Variants in CNTNAP3 observed in about 807,000 individuals in gnomAD.
CNTNAP3 encodes the protein contactin associated protein family member 3, also known as contactin-associated protein-like 3.
A neutral mutation model predicts 92.1 loss-of-function variants in CNTNAP3; 36 were observed. The observed-to-expected ratio is 0.39, with a 90% CI of 0.30 to 0.52. The LOEUF (loss-of-function observed/expected upper bound fraction) is 0.52, where lower values mean the gene tolerates loss of function less well. Among genes scored for constraint, CNTNAP3 ranks in the 20% least tolerant of loss-of-function variants. The pLI, the probability that CNTNAP3 is intolerant of heterozygous loss-of-function variation, is 0.76. For missense variants in CNTNAP3, 534 were observed against 1,069.6 expected, an observed-to-expected ratio of 0.50 and a Z score of 6.98; for synonymous variants, 232 against 422.3, an observed-to-expected ratio of 0.55 and a Z score of 5.53.
At chr9:39,074,704 T>C (rs544147452) in intron 23 of CNTNAP3, among the ~76,000 whole-genome samples, 1 of 152,360 alleles carries the variant, frequency 6.6e-6, no homozygotes, top group East Asian at 1.9e-4. Context: ...CATTACATGT[T>C]ATTGTTAGTA....
At chr9:39,129,668 A>C (rs1213170913) in intron 13 of CNTNAP3, among the ~76,000 whole-genome samples, 1 of 152,202 alleles carries the variant, frequency 6.6e-6, no homozygotes, top group Non-Finnish European at 1.5e-5. Context: ...GCTCTAAAAA[A>C]TTCCAGTTAA....
intron 14 of CNTNAP3, among the ~76,000 whole-genome samples, chr9:39,116,779 G>C (rs1233015517): frequency 6.6e-6 from 1 of 152,014 alleles, no homozygotes; most frequent in Non-Finnish European, 1.5e-5. Context: ...TCTATAGAAA[G>C]CTCCAGTAGA....
chr9:39,082,043 C>T (rs755426896), intron 21 of CNTNAP3, among the ~76,000 whole-genome samples: 477 of 149,070 alleles, frequency 3.2e-3, no homozygotes, highest in Middle Eastern at 0.014. Context: ...GCCGAGTTCA[C>T]GCCACTGTAC....
At chr9:39,083,586 G>A (rs1418477579) in intron 21 of CNTNAP3, among the ~76,000 whole-genome samples, 1 of 150,698 alleles carries the variant, frequency 6.6e-6, no homozygotes, top group African/African-American at 2.4e-5. Flanking sequence ...GTGAACCTGG[G>A]AGGCGGAGGT....
At chr9:39,136,393 ATC>A (rs919539574) in intron 12 of CNTNAP3, among the ~76,000 whole-genome samples, 1 of 152,066 alleles carries the variant, frequency 6.6e-6, no homozygotes, top group Non-Finnish European at 1.5e-5. Context: ...TATTAAGGTT[ATC>A]TCTTTTAGAG....
intron 10 of CNTNAP3, 54 bp from the exon 11 acceptor site, chr9:39,144,400 A>T (rs1821649794): frequency 1.3e-5 from 20 of 1,509,078 alleles, no homozygotes; most frequent in Non-Finnish European, 1.8e-5. Context: ...TCAAAAAATA[A>T]GTGTCTTACC....
rs1821223595 is a variant in CNTNAP3, at chr9:39,129,392, T to C, written c.2080+3540A>G. The stretch of plus-strand genomic sequence containing the variant: ...ATTCAATGCAGGAAGGATAGCCTTT[T>C]CAACAAATGGTTCTGGAGCAACTGA... On this transcript the variant is annotated intron_variant, in intron 13 of 23. Transcript: ENST00000297668. Among the ~76,000 whole-genome samples the C allele has an allele frequency of 2.0e-5, 3 of 152,148 alleles. No individual in the cohort carries two copies. In the South Asian group the frequency reaches 6.2e-4, roughly 32 times the overall value.
At chr9:39,105,175 C>A (rs1303597592) in intron 15 of CNTNAP3, among the ~76,000 whole-genome samples, 4 of 152,146 alleles carry the variant, frequency 2.6e-5, no homozygotes, top group Non-Finnish European at 5.9e-5. Flanking sequence ...CGCCTGTAAC[C>A]CCAGCACTTT....
chr9:39,077,669 TA>T, intron 23 of CNTNAP3, among the ~76,000 whole-genome samples: 1 of 152,200 alleles, frequency 6.6e-6, no homozygotes, highest in East Asian at 1.9e-4. Flanking sequence ...AAAAGTACCA[TA>T]AAGTGTATGC....
rs1415418901 is a variant in CNTNAP3 at position 39,132,947 on chromosome 9, G to C, written c.2065C>G (p.Arg689Gly). 6.5e-7 allele frequency: 1 copy of C among 1,545,782 alleles called. No individual in the cohort carries two copies. Among genetic ancestry groups the C allele is most frequent in the Admixed American group, 1.9e-5 (1 of 51,776 alleles). The change falls in exon 13 of 24, where the codon CGC (arginine) becomes GGC (glycine). Residue 689 changes from arginine (R) to glycine (G), a missense_variant. Coordinates refer to ENST00000297668, the MANE Select transcript of CNTNAP3 (RefSeq NM_033655.5). Reference protein sequence around the residue: ...RLALRCGTARRPDSRDGTPLS... With the variant: ...RLALRCGTARGPDSRDGTPLS... ...TGGCGCTTACCTCGTGAGTCCGGGC[G>C]CCGCGCCGTCCCGCAGCGCAGAGCC...
chr9:39,094,775 G>A (rs907609568), intron 18 of CNTNAP3, among the ~76,000 whole-genome samples: 1 of 151,494 alleles, frequency 6.6e-6, no homozygotes, highest in Admixed American at 6.6e-5. Flanking sequence ...AGTCAAGAAG[G>A]GTGAATCCTC....
intron 14 of CNTNAP3, among the ~76,000 whole-genome samples, chr9:39,116,835 A>G (rs1027166231): frequency 1.3e-5 from 2 of 152,166 alleles, no homozygotes; most frequent in Non-Finnish European, 2.9e-5. Flanking sequence ...AAAGTGATGC[A>G]AAGTAGACTT....
rs1259026954 is a variant in CNTNAP3, at chr9:39,067,051, CT to C, written c.*6838del. Among the ~76,000 whole-genome samples the C allele has an allele frequency of 1.3e-5, 2 of 152,058 alleles. No homozygotes were observed. Among genetic ancestry groups the C allele is most frequent in the African/African-American group, 4.8e-5 (2 of 41,430 alleles). On this transcript the variant is annotated 3_prime_UTR_variant, in exon 24 of 24. Transcript: ENST00000297668. ...ACTCTGATTATTCTTTGTTTTTTTT[CT>C]GTCTCTGTTTCATTTTGGATGCTTT...
At chr9:39,089,850 A>G (rs1045918209) in intron 18 of CNTNAP3, among the ~76,000 whole-genome samples, 1 of 152,194 alleles carries the variant, frequency 6.6e-6, no homozygotes, top group African/African-American at 2.4e-5. Flanking sequence ...ACATTCACAC[A>G]TATTTGCTGA....
At chr9:39,130,301 G>C (rs949994901) in intron 13 of CNTNAP3, among the ~76,000 whole-genome samples, 4 of 151,708 alleles carry the variant, frequency 2.6e-5, no homozygotes, top group Non-Finnish European at 4.4e-5. Flanking sequence ...TTGCTAATCA[G>C]CAATGAAAAG....
In CNTNAP3 at chr9:39,143,007, C is replaced by T. The variant is rs564736008; in HGVS notation, c.1756+1233G>A. ...GTTTCCTTGAAGACCCAGGGATGGG[C>T]GAAATATTCCTGAGGAGAAGTTGCT... is the stretch of plus-strand genomic sequence containing the variant. On this transcript the variant is annotated intron_variant, in intron 11 of 23. Coordinates refer to ENST00000297668, the MANE Select transcript of CNTNAP3 (RefSeq NM_033655.5). Among the ~76,000 whole-genome samples the T allele has an allele frequency of 1.6e-3, 250 of 151,578 alleles. 1 individual carries two copies. Among genetic ancestry groups the T allele is most frequent in the Non-Finnish European group, 2.1e-3 (142 of 67,924 alleles).
intron 18 of CNTNAP3, among the ~76,000 whole-genome samples, chr9:39,094,229 G>A (rs1468495424): frequency 1.3e-5 from 2 of 151,392 alleles, no homozygotes; most frequent in Non-Finnish European, 3.0e-5. Flanking sequence ...TTGTTAAGTT[G>A]TGGAAGTTAT....
chr9:39,136,526 T>C (rs1227751502), intron 12 of CNTNAP3, among the ~76,000 whole-genome samples: 5 of 152,202 alleles, frequency 3.3e-5, no homozygotes, highest in Admixed American at 3.3e-4. Flanking sequence ...CTTGCTGGCA[T>C]GATTTCTGAA....
At chr9:39,092,028 T>C (rs1267290771) in intron 18 of CNTNAP3, among the ~76,000 whole-genome samples, 3 of 150,558 alleles carry the variant, frequency 2.0e-5, no homozygotes, top group Admixed American at 2.0e-4. Context: ...TACGTAATTT[T>C]TTTCAACATA....
Sources: allele counts gnomAD v4.1 joint callset (sites outside exome capture counted in the v4.1 genomes callset), GRCh38; gene constraint gnomAD v4.1.1; transcripts MANE v1.5; gene names NCBI Gene and HGNC (gene_info 2026-07-23, HGNC 2026-07-21).